The following LAMA3 variants were observed in gnomAD, a reference collection of about 807,000 sequenced individuals.
LAMA3 encodes the protein laminin subunit alpha-3.
A neutral mutation model predicts 402.0 loss-of-function variants in LAMA3; 281 were observed. That is an observed-to-expected ratio of 0.70 (90% confidence interval 0.63 to 0.77). The LOEUF is 0.77. Ranked by LOEUF, LAMA3 falls within the 30% of genes least tolerant of loss-of-function variation. LAMA3 has a pLI of 0.00. For synonymous variants in LAMA3, 1,431 were observed against 1,558.4 expected (o/e 0.92, Z 1.93); for missense variants, 3,840 against 4,215.5 (o/e 0.91, Z 2.47).
intron 37 of LAMA3, among the ~76,000 whole-genome samples, chr18:23,869,155 C>T (rs998570476): frequency 2.0e-5 from 3 of 152,150 alleles, no homozygotes; most frequent in Admixed American, 6.5e-5. Context: ...AAAAAAAGTT[C>T]AGAATCAACG....
In LAMA3 at chr18:23,824,447, T is replaced by A. The variant is rs751191564; in HGVS notation, c.2453T>A (p.Ile818Asn). 60 of 1,614,050 alleles carry A rather than the reference T, an allele frequency of 3.7e-5. No individual in the cohort carries two copies. Among genetic ancestry groups the A allele is most frequent in the Non-Finnish European group, 4.8e-5 (57 of 1,179,996 alleles). The change falls in exon 21 of 75, where the codon ATC becomes AAC. Residue 818 changes from isoleucine to asparagine, a missense_variant. Transcript: ENST00000313654. ...SWGAAQSKEI[I>N]FLPSKEPAFV... ...GGTGCTGCTCAAAGCAAAGAGATCA[T>A]CTTCCTGCCGAGTAAGGAGCCAGCC...
At chr18:23,863,500 G>A (rs1156971480) in intron 35 of LAMA3, among the ~76,000 whole-genome samples, 3 of 152,146 alleles carry the variant, frequency 2.0e-5, no homozygotes, top group African/African-American at 7.2e-5. Context: ...TTGAAGGCAG[G>A]AGTGCAAAGA....
chr18:23,847,366 C>T (rs2063839570), intron 31 of LAMA3, 98 bp from the exon 32 acceptor site: 1 of 1,276,598 alleles, frequency 7.8e-7, no homozygotes, highest in South Asian at 1.2e-5. Context: ...TCTCTCTGAC[C>T]CTTTGGAGGC....
At chr18:23,888,546 G>A (rs368110541) in intron 41 of LAMA3, among the ~76,000 whole-genome samples, 2 of 152,114 alleles carry the variant, frequency 1.3e-5, no homozygotes, top group African/African-American at 4.8e-5. Flanking sequence ...GGGGCTGTGG[G>A]GGGGACCGGT....
At chr18:23,904,734 G>A (rs1210123445) in intron 51 of LAMA3, 40 bp downstream of exon 51, 30 of 1,605,528 alleles carry the variant, frequency 1.9e-5, no homozygotes, top group Non-Finnish European at 2.3e-5. Context: ...ATTCGCTGTG[G>A]AGATGGCTGA....
intron 1 of LAMA3, among the ~76,000 whole-genome samples, chr18:23,693,460 C>A (rs2060629747): frequency 6.6e-6 from 1 of 150,932 alleles, no homozygotes; most frequent in African/African-American, 2.4e-5. Context: ...TGAATGACTC[C>A]TTTTAGCATT....
At chr18:23,878,263 T>G (rs371465513) in intron 39 of LAMA3, among the ~76,000 whole-genome samples, 3 of 152,382 alleles carry the variant, frequency 2.0e-5, no homozygotes, top group African/African-American at 7.2e-5. Flanking sequence ...TCATAATTCA[T>G]ATTTTAATCA....
At chr18:23,744,324 C>T (rs2061611173) in intron 2 of LAMA3, among the ~76,000 whole-genome samples, 1 of 152,126 alleles carries the variant, frequency 6.6e-6, no homozygotes, top group African/African-American at 2.4e-5. Flanking sequence ...ATTCAGAGCA[C>T]ATAAACATAC....
At position 23,914,416 on chromosome 18, in the gene LAMA3, C is replaced by T. The variant is rs746635499; in HGVS notation, c.7336C>T (p.Arg2446Trp). Reference sequence around the variant, plus strand: ...GGTGGCCCTTTGTCTCCAGGCCTCCCGGGACTACATCGGCATGGCAGTTGT... The same window carrying T: ...GGTGGCCCTTTGTCTCCAGGCCTCCTGGGACTACATCGGCATGGCAGTTGT... Reference protein sequence around the residue: ...VMYLGNKDASRDYIGMAVVDG... With the variant: ...VMYLGNKDASWDYIGMAVVDG... The change falls in exon 57 of 75, where the codon CGG (arginine) becomes TGG (tryptophan). Residue 2446 changes from arginine to tryptophan, a missense_variant. Arg to Trp is a moderately radical substitution (Grantham distance 101). Around this residue, in one of 3 missense-constraint regions of LAMA3, gnomAD observed 891 missense variants for 857.5 expected, o/e 1.04. Transcript: ENST00000313654. The T allele has an allele frequency of 6.8e-6, 11 of 1,614,004 alleles. No individual in the cohort carries two copies. Among genetic ancestry groups the T allele is most frequent in the African/African-American group, 4.0e-5 (3 of 74,904 alleles).
At chr18:23,916,016 AAAAAAAAAAAAAAAAG>A in intron 59 of LAMA3, among the ~76,000 whole-genome samples, 1 of 143,966 alleles carries the variant, frequency 6.9e-6, no homozygotes, top group South Asian at 2.2e-4. Flanking sequence ...CAAAAAAAAA[AAAAAAAAAAAAAAAAG>A]AAAAGAAAAG....
chr18:23,883,330 C>G (rs1008252294), intron 40 of LAMA3, among the ~76,000 whole-genome samples: 5 of 152,144 alleles, frequency 3.3e-5, no homozygotes, highest in Admixed American at 3.3e-4. Context: ...AAGGTAACCC[C>G]CTCTCTCCTT....
At position 23,810,385 on chromosome 18, in the gene LAMA3, T is replaced by G; in HGVS notation, c.1623T>G (p.Leu541=). 1 of 1,614,134 alleles carries G rather than the reference T, an allele frequency of 6.2e-7. No homozygotes were observed. The highest frequency in any genetic ancestry group is 8.5e-7 in the Non-Finnish European group (1 of 1,180,020). Residue 541 remains leucine (L), a synonymous_variant, in exon 13 of 75, where the codon CTT becomes CTG. Transcript: ENST00000313654. ...ATCCAGCCTGCTGGTGTTCAGCCCT[T>G]GGATCCTACCAGATGCCCTGCAGCT... The part of the protein sequence containing the change: ...PICQACWCSA[L]GSYQMPCSSV...
In LAMA3 at chr18:23,876,328, G is replaced by T. The variant is rs2064710453; in HGVS notation, c.5033G>T (p.Gly1678Val). The T allele has an allele frequency of 6.2e-7, 1 of 1,614,022 alleles. No homozygotes were observed. Reference protein sequence around the residue: ...CSPGYYRDHKGLYTGRCVPCN... With the variant: ...CSPGYYRDHKVLYTGRCVPCN... ...CCTGGATACTATCGGGATCATAAAG[G>T]CTTGTATACCGGACGGTGTGTTCCC... The change falls in exon 39 of 75, where the codon GGC (glycine) becomes GTC (valine). Residue 1678 changes from glycine (G) to valine (V), a missense_variant. Gly to Val is a moderately radical substitution (Grantham distance 109). Transcript: ENST00000313654.
intron 8 of LAMA3, among the ~76,000 whole-genome samples, chr18:23,764,890 A>C (rs975212696): frequency 6.6e-6 from 1 of 152,168 alleles, no homozygotes; most frequent in African/African-American, 2.4e-5. Context: ...GAACCCTCCC[A>C]TGGAGGATTG....
intron 11 of LAMA3, among the ~76,000 whole-genome samples, chr18:23,780,728 A>G (rs952365912): frequency 2.6e-5 from 4 of 152,298 alleles, no homozygotes; most frequent in Admixed American, 1.3e-4. Context: ...CATCTTGAGG[A>G]AGGGGCACCT....
At chr18:23,802,219 T>TA (rs1179621130) in intron 12 of LAMA3, among the ~76,000 whole-genome samples, 1 of 152,098 alleles carries the variant, frequency 6.6e-6, no homozygotes, top group Non-Finnish European at 1.5e-5. Flanking sequence ...TCTGAAAAAA[T>TA]AAAAAATCTA....
chr18:23,905,345 A>C (rs758652357), intron 51 of LAMA3, among the ~76,000 whole-genome samples, 177 bp from the exon 52 acceptor site: 13 of 152,332 alleles, frequency 8.5e-5, no homozygotes, highest in Non-Finnish European at 1.0e-4. Flanking sequence ...CACATAATTC[A>C]CATAGGTGTT....
At chr18:23,925,973 A>G (rs1160951735) in intron 62 of LAMA3, among the ~76,000 whole-genome samples, 1 of 152,192 alleles carries the variant, frequency 6.6e-6, no homozygotes, top group East Asian at 1.9e-4. Context: ...CAGCTGTGTG[A>G]CCTTAGGCAA....
intron 60 of LAMA3, 34 bp from the exon 61 acceptor site, chr18:23,920,901 C>A (rs750432539): frequency 9.2e-5 from 149 of 1,612,894 alleles, no homozygotes; most frequent in Non-Finnish European, 1.2e-4. Flanking sequence ...TTCAGCCAAG[C>A]CTTCTGGTCA....
Sources: allele counts gnomAD v4.1 joint callset (sites outside exome capture counted in the v4.1 genomes callset), GRCh38; gene constraint gnomAD v4.1.1; regional missense constraint gnomAD v4.1.1; transcripts MANE v1.5; gene names NCBI Gene and HGNC (gene_info 2026-07-23, HGNC 2026-07-21).